The following PHF21A variants were observed in gnomAD, a reference collection of about 807,000 sequenced individuals.
The protein encoded by PHF21A is BHC80a.
In PHF21A, 11 loss-of-function variants were observed where a neutral mutation model predicts 82.5. The ratio of observed to expected loss-of-function variants is 0.13; its 90% CI spans 0.08 to 0.22. PHF21A has a LOEUF of 0.22. Among genes scored for constraint, PHF21A ranks in the 10% least tolerant of loss-of-function variants. The probability of loss-of-function intolerance (pLI) is 1.00; values close to 1 mark genes in which losing one functional copy is unlikely to be tolerated. For missense variants in PHF21A, 579 were observed against 837.8 expected (o/e 0.69, Z 3.81); for synonymous variants, 297 against 302.8 (o/e 0.98, Z 0.20).
intron 6 of PHF21A, among the ~76,000 whole-genome samples, chr11:46,026,399 A>G (rs1471361134): frequency 6.6e-6 from 1 of 152,274 alleles, no homozygotes; most frequent in East Asian, 1.9e-4. Context: ...AGGACTTAGA[A>G]TATCATTCCA....
At chr11:45,954,603 A>G (rs1439145818) in intron 10 of PHF21A, among the ~76,000 whole-genome samples, 3 of 152,136 alleles carry the variant, frequency 2.0e-5, no homozygotes. Flanking sequence ...CTTCAAACAC[A>G]AAAGGTAGCT....
At chr11:46,079,187 A>G (rs373829450) in intron 4 of PHF21A, 21 bp from the exon 5 acceptor site, 1 of 1,590,046 alleles carries the variant, frequency 6.3e-7, no homozygotes. Context: ...AGAGAGAAAA[A>G]GAGCCATCAG....
chr11:46,006,545 T>C (rs1273703233), intron 6 of PHF21A, among the ~76,000 whole-genome samples: 1 of 152,066 alleles, frequency 6.6e-6, no homozygotes, highest in Non-Finnish European at 1.5e-5. Context: ...CTAAAGATAC[T>C]AAAATCAGTT....
chr11:45,994,650 G>C (rs2094839854), intron 6 of PHF21A, among the ~76,000 whole-genome samples: 3 of 152,178 alleles, frequency 2.0e-5, no homozygotes, highest in Admixed American at 1.3e-4. Context: ...TTTAGGCTTT[G>C]TAAGAACAAG....
At chr11:46,023,111 C>T (rs1386567698) in intron 6 of PHF21A, among the ~76,000 whole-genome samples, 1 of 151,704 alleles carries the variant, frequency 6.6e-6, no homozygotes, top group Non-Finnish European at 1.5e-5. Context: ...GATATGTGGA[C>T]AATCTGGAAA....
Position 45,940,434 on chromosome 11 carries a change from T to A in PHF21A, c.1453-2122A>T, listed in dbSNP as rs184467859. ...TGGTCTCGAACTCCTGACCTCATGATCTGCCCACCTCGGCCTCCCAAAGTG... is the reference window on the plus strand; with the variant it reads ...TGGTCTCGAACTCCTGACCTCATGAACTGCCCACCTCGGCCTCCCAAAGTG... On this transcript the variant is annotated intron_variant, in intron 15 of 18. Transcript: ENST00000676320. Among the ~76,000 whole-genome samples the A allele has an allele frequency of 4.3e-3, 653 of 152,258 alleles. 5 individuals are homozygous for A. The highest frequency in any genetic ancestry group is 0.015 in the African/African-American group (605 of 41,544).
At chr11:46,000,927 AT>A (rs1240789594) in intron 6 of PHF21A, among the ~76,000 whole-genome samples, 1 of 151,656 alleles carries the variant, frequency 6.6e-6, no homozygotes, top group Non-Finnish European at 1.5e-5. Flanking sequence ...TCTCAAAAAA[AT>A]AAATAAATAA....
chr11:46,071,314 T>C (rs148964526), intron 6 of PHF21A, among the ~76,000 whole-genome samples: 40 of 152,186 alleles, frequency 2.6e-4, no homozygotes, highest in African/African-American at 8.2e-4. Context: ...ACATTTAGAG[T>C]AGACCTAACC....
chr11:46,065,320 A>C (rs2096581503), intron 6 of PHF21A, among the ~76,000 whole-genome samples: 1 of 152,178 alleles, frequency 6.6e-6, no homozygotes, highest in African/African-American at 2.4e-5. Flanking sequence ...TAATCATAAA[A>C]AGAGATATTT....
intron 6 of PHF21A, among the ~76,000 whole-genome samples, chr11:46,068,915 C>T (rs543454321): frequency 5.3e-5 from 8 of 152,180 alleles, no homozygotes; most frequent in African/African-American, 1.9e-4. Context: ...GGTAAAATGC[C>T]CTATAATAAT....
intron 6 of PHF21A, among the ~76,000 whole-genome samples, chr11:46,033,918 C>T (rs1039881266): frequency 3.9e-5 from 6 of 152,290 alleles, no homozygotes; most frequent in Admixed American, 2.6e-4. Flanking sequence ...GTATACACAT[C>T]TTCAAATTTG....
At chr11:46,093,218 A>T (rs2096948604) in intron 1 of PHF21A, among the ~76,000 whole-genome samples, 1 of 152,252 alleles carries the variant, frequency 6.6e-6, no homozygotes, top group Non-Finnish European at 1.5e-5. Flanking sequence ...TTTTAGTATT[A>T]AATTATTTAA....
chr11:46,023,343 A>G (rs979808444), intron 6 of PHF21A, among the ~76,000 whole-genome samples: 58 of 152,144 alleles, frequency 3.8e-4, no homozygotes, highest in African/African-American at 1.2e-3. Flanking sequence ...TCTTGCACAG[A>G]GCTATTTTGC....
rs71038882 is a variant in PHF21A at position 46,099,523 on chromosome 11, G to GACACACACACACACACACAC, written c.-236-7320_-236-7301dup. On this transcript the variant is annotated intron_variant, in intron 1 of 18. Coordinates refer to ENST00000676320, the MANE Select transcript of PHF21A (RefSeq NM_001352027.3). ...TGCCTTTCAGGCTATAGAAAAATTA[G>GACACACACACACACACACAC]ACACACACACACACACACACACACA... Among the ~76,000 whole-genome samples, 453 of 137,664 alleles carry GACACACACACACACACACAC rather than the reference G, an allele frequency of 3.3e-3. 3 individuals carry two copies. Among genetic ancestry groups the GACACACACACACACACACAC allele is most frequent in the South Asian group, 0.016 (62 of 3,966 alleles). The allele number at this position is 137,664 out of a possible 152,430, so 90.3% of individuals were successfully genotyped here.
At position 45,946,175 on chromosome 11, in the gene PHF21A, T is replaced by C. The variant is rs997006463; in HGVS notation, c.1289-172A>G. On this transcript the variant is annotated intron_variant, in intron 14 of 18. Transcript: ENST00000676320. ...CCAAAGGAAGGAAGAGAAGCAAAGA[T>C]TTAAATGTCATTAGAAACAACTATA... 5 of 1,432,552 alleles carry C rather than the reference T, an allele frequency of 3.5e-6. No homozygotes were observed. In the Admixed American group the frequency reaches 7.7e-5, roughly 22 times the overall value. 88.7% of individuals were successfully genotyped at this position (1,432,552 alleles called of 1,614,324 possible).
chr11:45,955,283 AAC>A (rs3061874), intron 10 of PHF21A, among the ~76,000 whole-genome samples: 110,455 of 148,486 alleles, frequency 0.74, 41,110 homozygotes, highest in East Asian at 0.91. Context: ...TTCTCTCTCC[AAC>A]ACACACACAC....
At chr11:46,078,370 T>C (rs868001964) in intron 5 of PHF21A, among the ~76,000 whole-genome samples, 1 of 152,144 alleles carries the variant, frequency 6.6e-6, no homozygotes. Flanking sequence ...GATATAGATA[T>C]AGATATAGAT....
intron 6 of PHF21A, among the ~76,000 whole-genome samples, chr11:46,055,650 T>C (rs184162426): frequency 6.6e-6 from 1 of 152,258 alleles, no homozygotes; most frequent in Admixed American, 6.5e-5. Flanking sequence ...GTCTATACAT[T>C]ACATCATCAA....
chr11:46,032,143 G>A (rs576615241), intron 6 of PHF21A, among the ~76,000 whole-genome samples: 19 of 152,206 alleles, frequency 1.2e-4, no homozygotes, highest in African/African-American at 4.3e-4. Flanking sequence ...AATGTCCTGT[G>A]TCCTTAGTTA....
Sources: gnomAD v4.1 joint callset for allele counts (sites outside exome capture counted in the v4.1 genomes callset) on GRCh38, gnomAD v4.1.1 for gene constraint, MANE v1.5 for transcripts, NCBI Gene and HGNC (gene_info 2026-07-23, HGNC 2026-07-21) for gene names.